Variants in SLC35F4 observed in about 807,000 individuals in gnomAD.
The protein encoded by SLC35F4 is chromosome 14 open reading frame 36.
Under a neutral mutation model 44.2 loss-of-function variants are expected in SLC35F4, and 24 were observed. That is an observed-to-expected ratio of 0.54 (90% CI 0.39 to 0.76). The LOEUF (loss-of-function observed/expected upper bound fraction) is 0.76, where lower values mean the gene tolerates loss of function less well. Ranked by LOEUF, SLC35F4 falls within the 30% of genes least tolerant of loss-of-function variation. The pLI, the probability that SLC35F4 is intolerant of heterozygous loss-of-function variation, is 0.00. For synonymous variants in SLC35F4, 238 were observed against 223.6 expected (o/e 1.06, Z -0.57); for missense variants, 562 against 586.1 (o/e 0.96, Z 0.42).
At chr14:57,788,966 G>A (rs1202665053) in intron 1 of SLC35F4, among the ~76,000 whole-genome samples, 1 of 152,164 alleles carries the variant, frequency 6.6e-6, no homozygotes, top group Non-Finnish European at 1.5e-5. Context: ...AACCCAATGA[G>A]AACAAAGATA....
chr14:57,877,812 G>T (rs1888434137), intron 1 of SLC35F4, among the ~76,000 whole-genome samples: 1 of 145,738 alleles, frequency 6.9e-6, no homozygotes, highest in Non-Finnish European at 1.5e-5. Context: ...AGCCTCCCAA[G>T]TAGATGGGAT....
intron 1 of SLC35F4, among the ~76,000 whole-genome samples, chr14:57,642,839 T>C (rs1034035750): frequency 1.3e-5 from 2 of 152,008 alleles, no homozygotes; most frequent in African/African-American, 4.8e-5. Context: ...AAATGTCAAT[T>C]TAAATAAAAC....
intron 1 of SLC35F4, among the ~76,000 whole-genome samples, chr14:57,791,422 A>G (rs892792612): frequency 2.0e-5 from 3 of 152,238 alleles, no homozygotes; most frequent in African/African-American, 7.2e-5. Flanking sequence ...AATCAAAACC[A>G]CAATGAAATA....
At chr14:57,791,848 G>A (rs2077927121) in intron 1 of SLC35F4, among the ~76,000 whole-genome samples, 1 of 151,944 alleles carries the variant, frequency 6.6e-6, no homozygotes, top group South Asian at 2.1e-4. Flanking sequence ...ATCATTCTCA[G>A]CAAACTGACA....
chr14:57,856,687 T>C (rs1027296182), intron 1 of SLC35F4, among the ~76,000 whole-genome samples: 5 of 152,022 alleles, frequency 3.3e-5, no homozygotes, highest in African/African-American at 9.7e-5. Flanking sequence ...AAACCACATA[T>C]TAATGGTACT....
chr14:57,566,404 A>G, intron 7 of SLC35F4, 71 bp downstream of exon 7: 1 of 1,423,294 alleles, frequency 7.0e-7, no homozygotes, highest in Non-Finnish European at 9.7e-7. Flanking sequence ...GGAACAACTC[A>G]GGACACAGAA....
At chr14:57,694,805 T>C (rs956023891) in intron 1 of SLC35F4, among the ~76,000 whole-genome samples, 9 of 152,210 alleles carry the variant, frequency 5.9e-5, no homozygotes, top group South Asian at 4.1e-4. Flanking sequence ...CTATTGTAGA[T>C]GGCATTTCAA....
At chr14:57,818,642 TA>T (rs1003649273) in intron 1 of SLC35F4, among the ~76,000 whole-genome samples, 2 of 152,098 alleles carry the variant, frequency 1.3e-5, no homozygotes, top group Admixed American at 6.6e-5. Context: ...CAACAGGTAT[TA>T]AAAAATAAAA....
intron 1 of SLC35F4, among the ~76,000 whole-genome samples, chr14:57,847,861 A>T (rs1886177760): frequency 6.6e-6 from 1 of 152,242 alleles, no homozygotes; most frequent in African/African-American, 2.4e-5. Flanking sequence ...AAGTTGGAAG[A>T]TACTGAGTAA....
chr14:57,961,909 G>T (rs888140787), intron 1 of SLC35F4, among the ~76,000 whole-genome samples: 1 of 152,140 alleles, frequency 6.6e-6, no homozygotes, highest in South Asian at 2.1e-4. Flanking sequence ...TTACTTATCA[G>T]TGTGAGTATC....
intron 2 of SLC35F4, among the ~76,000 whole-genome samples, chr14:57,592,227 C>G (rs893449481): frequency 6.6e-6 from 1 of 152,330 alleles, no homozygotes; most frequent in Non-Finnish European, 1.5e-5. Flanking sequence ...AATTTAAATC[C>G]TAGCCCTGCC....
intron 1 of SLC35F4, among the ~76,000 whole-genome samples, chr14:57,743,715 A>T (rs899843105): frequency 9.2e-5 from 14 of 152,326 alleles, no homozygotes; most frequent in African/African-American, 3.4e-4. Context: ...ATCCTCCCTA[A>T]CTCATTTTAT....
At chr14:57,979,306 C>T (rs1045369482) in intron 1 of SLC35F4, among the ~76,000 whole-genome samples, 16 of 152,150 alleles carry the variant, frequency 1.1e-4, no homozygotes, top group African/African-American at 3.4e-4. Flanking sequence ...TCCAAGGGTA[C>T]TCTATGATAG....
chr14:57,966,028 A>G (rs2141091459), intron 1 of SLC35F4, among the ~76,000 whole-genome samples: 2 of 152,338 alleles, frequency 1.3e-5, no homozygotes, highest in East Asian at 3.9e-4. Context: ...TGTGTGGCCC[A>G]CAATTCACCT....
rs141409915 is a variant in SLC35F4, at chr14:57,715,409, T to C, written c.104-121285A>G. ...CCACTTTCACTTGCAAAATATTATCTTTTGGACAATAAATTATATGGTCCT... is the reference window on the plus strand; with the variant it reads ...CCACTTTCACTTGCAAAATATTATCCTTTGGACAATAAATTATATGGTCCT... On this transcript the variant is annotated intron_variant, in intron 1 of 7. Transcript: ENST00000556826. Among the ~76,000 whole-genome samples, 1,332 of 152,340 alleles carry C rather than the reference T, an allele frequency of 8.7e-3. 8 individuals are homozygous for C. Among genetic ancestry groups the C allele is most frequent in the Non-Finnish European group, 0.014 (954 of 68,036 alleles).
chr14:57,700,500 TTAA>T (rs1174339618), intron 1 of SLC35F4, among the ~76,000 whole-genome samples: 2 of 152,198 alleles, frequency 1.3e-5, no homozygotes, highest in African/African-American at 4.8e-5. Flanking sequence ...AATTCTTTCA[TTAA>T]TAATAACTTT....
chr14:57,598,191 C>A (rs1041632959), intron 1 of SLC35F4, among the ~76,000 whole-genome samples: 11 of 152,194 alleles, frequency 7.2e-5, no homozygotes, highest in Non-Finnish European at 1.5e-5. Context: ...CAGAAGGCTG[C>A]TGCTTACCTT....
intron 1 of SLC35F4, among the ~76,000 whole-genome samples, chr14:57,878,979 G>T (rs890628234): frequency 1.3e-5 from 2 of 152,072 alleles, no homozygotes; most frequent in South Asian, 2.1e-4. Context: ...ACCAGCACTT[G>T]GGCCCATATT....
At chr14:57,648,550 G>A (rs796137426) in intron 1 of SLC35F4, among the ~76,000 whole-genome samples, 5 of 152,106 alleles carry the variant, frequency 3.3e-5, no homozygotes, top group African/African-American at 1.2e-4. Flanking sequence ...TGAATTACTA[G>A]TGGCTGTTTC....
Sources: gnomAD v4.1 joint callset for allele counts (sites outside exome capture counted in the v4.1 genomes callset) on GRCh38, gnomAD v4.1.1 for gene constraint, MANE v1.5 for transcripts, NCBI Gene and HGNC (gene_info 2026-07-23, HGNC 2026-07-21) for gene names.